The following KDM5A variants were observed in gnomAD, a reference collection of about 807,000 sequenced individuals.
The protein encoded by KDM5A is lysine-specific demethylase 5A.
In KDM5A, 42 loss-of-function variants were observed where a neutral mutation model predicts 193.5. That is an observed-to-expected ratio of 0.22 (90% confidence interval 0.17 to 0.28). The LOEUF is 0.28. Ranked by LOEUF, KDM5A falls within the 10% of genes least tolerant of loss-of-function variation. The pLI is 1.00. For missense variants in KDM5A, 1,692 were observed against 2,055.1 expected, an observed-to-expected ratio of 0.82 and a Z score of 3.42; for synonymous variants, 796 against 718.1, an observed-to-expected ratio of 1.11 and a Z score of -1.73.
At chr12:333,731 T>C (rs1943891134) in intron 11 of KDM5A, 82 bp from the exon 12 acceptor site, 2 of 1,270,288 alleles carry the variant, frequency 1.6e-6, no homozygotes, top group African/African-American at 2.9e-5. Flanking sequence ...CACCAAATTA[T>C]AATTAACTTG....
At chr12:301,804 C>G (rs1217950984) in intron 24 of KDM5A, among the ~76,000 whole-genome samples, 1 of 147,604 alleles carries the variant, frequency 6.8e-6, no homozygotes, top group Non-Finnish European at 1.5e-5. Context: ...TCTCCTTAAG[C>G]TGATAAGCAA....
At chr12:287,511 A>AAG (rs1555125376) in intron 27 of KDM5A, among the ~76,000 whole-genome samples, 2 of 150,432 alleles carry the variant, frequency 1.3e-5, no homozygotes, top group African/African-American at 4.9e-5. Context: ...AAAAAAAAAA[A>AAG]GGGGGAAATA....
Position 371,360 on chromosome 12 carries a change from T to C in KDM5A, c.367-5256A>G, listed in dbSNP as rs1266857424. Among the ~76,000 whole-genome samples the C allele has an allele frequency of 3.9e-5, 6 of 152,360 alleles. No individual in the cohort carries two copies. In the East Asian group the frequency reaches 9.6e-4, roughly 24 times the overall value. On this transcript the variant is annotated intron_variant, in intron 3 of 27. Transcript: ENST00000399788. ...GTGGTTTTGATTTGCATTTCTCTGA[T>C]GGCCAGTGATGAGCATTTTTTCATG...
rs1211043127 is a variant in KDM5A, at chr12:384,197, G to T, written c.244-44C>A. ...AGAAGAACTAAGTTATGATTGAAAT[G>T]AATAAGAATAACAGAGCAGGGGTCC... On this transcript the variant is annotated intron_variant, in intron 2 of 27. Coordinates refer to ENST00000399788, the MANE Select transcript of KDM5A (RefSeq NM_001042603.3). 4 of 1,448,810 alleles carry T rather than the reference G, an allele frequency of 2.8e-6. No individual in the cohort carries two copies. The Admixed American group carries it at 5.0e-5, about 18-fold the overall frequency. The allele number at this position is 1,448,810 out of a possible 1,614,324, so 89.7% of individuals were successfully genotyped here. A position where few individuals can be genotyped will look rare whatever the true frequency, so the allele number is the denominator to read the frequency against.
intron 10 of KDM5A, among the ~76,000 whole-genome samples, chr12:337,444 G>C (rs1359803049): frequency 1.3e-5 from 2 of 152,106 alleles, no homozygotes; most frequent in Non-Finnish European, 2.9e-5. Flanking sequence ...AAATTACAGA[G>C]AGAATATACT....
intron 19 of KDM5A, 96 bp downstream of exon 19, chr12:318,010 A>G: frequency 1.0e-6 from 1 of 961,328 alleles, no homozygotes; most frequent in South Asian, 1.4e-5. Flanking sequence ...AAAAAAAAAA[A>G]AAGTCATTTA....
At chr12:329,127 G>T in intron 13 of KDM5A, 98 bp from the exon 14 acceptor site, 1 of 943,680 alleles carries the variant, frequency 1.1e-6, no homozygotes, top group Non-Finnish European at 1.7e-6. Context: ...TTAGAAAGAA[G>T]ACAGAATACC....
chr12:328,383 C>G (rs971490059), intron 14 of KDM5A, among the ~76,000 whole-genome samples: 1 of 152,186 alleles, frequency 6.6e-6, no homozygotes, highest in Non-Finnish European at 1.5e-5. Flanking sequence ...TGTGATGATG[C>G]TTAGCTTATT....
At chr12:363,139 A>G in intron 4 of KDM5A, 42 bp from the exon 5 acceptor site, 1 of 1,611,900 alleles carries the variant, frequency 6.2e-7, no homozygotes, top group Non-Finnish European at 8.5e-7. Context: ...TTCACTGATA[A>G]GAAATCATGC....
At chr12:342,419 G>C in intron 10 of KDM5A, among the ~76,000 whole-genome samples, 1 of 151,940 alleles carries the variant, frequency 6.6e-6, no homozygotes, top group East Asian at 1.9e-4. Flanking sequence ...ACCCACTCAG[G>C]TGTTGAAGGA....
At chr12:352,726 T>G (rs1306253012) in intron 8 of KDM5A, among the ~76,000 whole-genome samples, 14 of 152,206 alleles carry the variant, frequency 9.2e-5, no homozygotes, top group Non-Finnish European at 1.5e-5. Flanking sequence ...GGATAGCCAC[T>G]GGATTGTGAG....
intron 22 of KDM5A, among the ~76,000 whole-genome samples, 184 bp from the exon 23 acceptor site, chr12:308,189 A>C (rs1314285272): frequency 7.2e-5 from 11 of 152,144 alleles, no homozygotes; most frequent in Non-Finnish European, 1.6e-4. Context: ...GTGCTATCAT[A>C]TTTGATCATG....
intron 11 of KDM5A, 21 bp from the exon 12 acceptor site, chr12:333,670 TTAGC>T: frequency 6.2e-7 from 1 of 1,612,726 alleles, no homozygotes; most frequent in Non-Finnish European, 8.5e-7. Context: ...AAGTAACTGT[TTAGC>T]TAGGCAGAAC....
chr12:316,116 A>C (rs1443328941), intron 19 of KDM5A, among the ~76,000 whole-genome samples: 2 of 152,250 alleles, frequency 1.3e-5, no homozygotes, highest in Non-Finnish European at 2.9e-5. Flanking sequence ...AGTAGTTAAT[A>C]ACCAATACTA....
chr12:369,273 G>A (rs372451797), intron 3 of KDM5A, among the ~76,000 whole-genome samples: 1 of 152,216 alleles, frequency 6.6e-6, no homozygotes, highest in African/African-American at 2.4e-5. Flanking sequence ...CTGTCTGGAA[G>A]CAACTGGATG....
chr12:333,314 T>G, intron 12 of KDM5A, 173 bp downstream of exon 12: 1 of 687,928 alleles, frequency 1.5e-6, no homozygotes, highest in South Asian at 1.6e-5. Flanking sequence ...AGCTACTCAT[T>G]AGGCTGAGGC....
At chr12:330,515 G>C (rs987716410) in intron 13 of KDM5A, among the ~76,000 whole-genome samples, 2 of 152,108 alleles carry the variant, frequency 1.3e-5, no homozygotes, top group Non-Finnish European at 2.9e-5. Context: ...CAATAACAGA[G>C]AGAATGGGAA....
chr12:314,697 G>C (rs372675082), intron 19 of KDM5A, among the ~76,000 whole-genome samples: 1 of 152,132 alleles, frequency 6.6e-6, no homozygotes, highest in Non-Finnish European at 1.5e-5. Flanking sequence ...TGGAAAGCTG[G>C]GGCCAGGGGC....
chr12:335,596 T>C (rs1255355792), intron 10 of KDM5A, among the ~76,000 whole-genome samples: 2 of 152,070 alleles, frequency 1.3e-5, no homozygotes, highest in South Asian at 4.2e-4. Context: ...GAAGTTTCTA[T>C]AATACAAGTT....
Sources: gnomAD v4.1 joint callset for allele counts (sites outside exome capture counted in the v4.1 genomes callset) on GRCh38, gnomAD v4.1.1 for gene constraint, MANE v1.5 for transcripts, NCBI Gene and HGNC (gene_info 2026-07-23, HGNC 2026-07-21) for gene names.